WDR7: variants seen among roughly 807,000 people sequenced by gnomAD.
WDR7 encodes WD repeat domain 7, also known as WD repeat-containing protein 7.
WDR7 carries 46 observed loss-of-function variants against 169.4 expected under a neutral mutation model. That is an observed-to-expected ratio of 0.27 (90% CI 0.21 to 0.35). The LOEUF (loss-of-function observed/expected upper bound fraction) is 0.35. WDR7 is among the 10% of genes least tolerant of loss of function. The pLI is 1.00. For missense variants in WDR7, 1,534 were observed against 1,859.3 expected, an observed-to-expected ratio of 0.83 and a Z score of 3.22; for synonymous variants, 612 against 666.8, an observed-to-expected ratio of 0.92 and a Z score of 1.27.
At chr18:56,909,266 T>C (rs2046522104) in intron 21 of WDR7, among the ~76,000 whole-genome samples, 1 of 152,056 alleles carries the variant, frequency 6.6e-6, no homozygotes, top group Non-Finnish European at 1.5e-5. Context: ...GCATTTGGCT[T>C]CTGGGTGGAA....
intron 25 of WDR7, among the ~76,000 whole-genome samples, chr18:56,941,976 A>T (rs964409022): frequency 6.6e-6 from 1 of 152,142 alleles, no homozygotes; most frequent in African/African-American, 2.4e-5. Context: ...GAACTAGAAT[A>T]AGTGGGTAAA....
intron 20 of WDR7, among the ~76,000 whole-genome samples, chr18:56,840,744 G>C (rs192130263): frequency 2.7e-3 from 409 of 151,976 alleles, no homozygotes; most frequent in African/African-American, 9.3e-3. Flanking sequence ...ATCTGAACCC[G>C]AGAGGTTGAG....
At chr18:56,991,308 G>A (rs372785083) in intron 26 of WDR7, among the ~76,000 whole-genome samples, 64 of 152,138 alleles carry the variant, frequency 4.2e-4, no homozygotes, top group Admixed American at 3.4e-3. Flanking sequence ...CACCACTCCC[G>A]GCTGATTTTT....
chr18:56,790,745 T>G (rs906186910), intron 19 of WDR7, among the ~76,000 whole-genome samples: 1 of 152,178 alleles, frequency 6.6e-6, no homozygotes, highest in Non-Finnish European at 1.5e-5. Context: ...TAACCAGATT[T>G]TGATACAAAT....
Position 56,851,830 on chromosome 18 carries a change from TC to T in WDR7, c.3305-28109del, listed in dbSNP as rs1431413901. 2.0e-5 allele frequency among the ~76,000 whole-genome samples: 3 copies of T among 152,200 alleles called. No homozygotes were observed. In the East Asian group the frequency reaches 5.8e-4, roughly 29 times the overall value. On this transcript the variant is annotated intron_variant, in intron 20 of 27. Coordinates refer to ENST00000254442, the MANE Select transcript of WDR7 (RefSeq NM_015285.3). ...CATATTTTGAATTATATAGGTGCCTTCCCCCACCTTCTTGCTCATTGTTAGC... is the reference window on the plus strand; with the variant it reads ...CATATTTTGAATTATATAGGTGCCTTCCCCACCTTCTTGCTCATTGTTAGC...
chr18:57,007,193 A>G (rs918779861), intron 26 of WDR7, among the ~76,000 whole-genome samples: 6 of 152,032 alleles, frequency 3.9e-5, no homozygotes, highest in African/African-American at 1.4e-4. Flanking sequence ...GTTAGCCACG[A>G]TAGTCTCGAT....
intron 21 of WDR7, among the ~76,000 whole-genome samples, chr18:56,904,258 C>G (rs1300447057): frequency 6.6e-6 from 1 of 151,866 alleles, no homozygotes; most frequent in South Asian, 2.1e-4. Context: ...TTAATAGAGA[C>G]GAGGTTTCAC....
Position 57,027,827 on chromosome 18 carries a change from A to G in WDR7, c.*620A>G, listed in dbSNP as rs1308479289. The G allele has an allele frequency of 1.3e-5, 2 of 152,736 alleles. No homozygotes were observed. The highest frequency in any genetic ancestry group is 4.8e-5 in the African/African-American group (2 of 41,434). 9.5% of individuals were successfully genotyped at this position (152,736 alleles called of 1,614,324 possible). On this transcript the variant is annotated 3_prime_UTR_variant, in exon 28 of 28. Coordinates refer to ENST00000254442, the MANE Select transcript of WDR7 (RefSeq NM_015285.3). Reference sequence around the variant, plus strand: ...CTAACCAATTTGAGATTCATGATTAATTATGTACACAAAAATATTTTCCTT... The same window carrying G: ...CTAACCAATTTGAGATTCATGATTAGTTATGTACACAAAAATATTTTCCTT...
intron 21 of WDR7, among the ~76,000 whole-genome samples, chr18:56,903,068 G>T (rs552161705): frequency 2.0e-5 from 3 of 152,252 alleles, no homozygotes; most frequent in South Asian, 4.1e-4. Flanking sequence ...GTGATTGCCC[G>T]TTGGCAGCAT....
intron 26 of WDR7, among the ~76,000 whole-genome samples, chr18:56,988,633 GTGTA>G: frequency 7.5e-6 from 1 of 133,076 alleles, no homozygotes; most frequent in African/African-American, 2.7e-5. Flanking sequence ...GTGTGTGTGT[GTGTA>G]TAGAGTCGTC....
intron 19 of WDR7, among the ~76,000 whole-genome samples, chr18:56,805,782 A>C (rs760953214): frequency 1.3e-5 from 2 of 152,116 alleles, no homozygotes; most frequent in Non-Finnish European, 2.9e-5. Flanking sequence ...TCCATACTGG[A>C]ACCAGGCATC....
chr18:57,007,649 C>T (rs893888869), intron 26 of WDR7, among the ~76,000 whole-genome samples: 1 of 151,988 alleles, frequency 6.6e-6, no homozygotes, highest in Non-Finnish European at 1.5e-5. Flanking sequence ...TCACAAAATC[C>T]TCTTTTAAAG....
At chr18:56,907,463 T>C (rs1164106090) in intron 21 of WDR7, among the ~76,000 whole-genome samples, 1 of 152,172 alleles carries the variant, frequency 6.6e-6, no homozygotes, top group Non-Finnish European at 1.5e-5. Flanking sequence ...CTTGGCTCTT[T>C]AGTGTGGAGT....
chr18:56,931,188 C>T (rs1322951640), intron 22 of WDR7, among the ~76,000 whole-genome samples: 1 of 152,012 alleles, frequency 6.6e-6, no homozygotes, highest in Non-Finnish European at 1.5e-5. Flanking sequence ...ACGGGTGATC[C>T]GCATAACAGC....
chr18:56,953,645 A>C lies in WDR7; in HGVS notation c.4065-8785A>C, dbSNP rs189554777. ...GAGATCAATCAGTGAGCTGTCACAAACACTATGAGAAAAGAGTGTCCAGGA... is the reference window on the plus strand; with the variant it reads ...GAGATCAATCAGTGAGCTGTCACAACCACTATGAGAAAAGAGTGTCCAGGA... On this transcript the variant is annotated intron_variant, in intron 25 of 27. Transcript: ENST00000254442. 7.6e-4 allele frequency among the ~76,000 whole-genome samples: 116 copies of C among 152,388 alleles called. 3 individuals carry two copies. Among genetic ancestry groups the C allele is most frequent in the Admixed American group, 7.5e-3 (115 of 15,312 alleles).
rs140153436 is a variant in WDR7, at chr18:56,824,416, T to C, written c.3304+8272T>C. On this transcript the variant is annotated intron_variant, in intron 20 of 27. Transcript: ENST00000254442. ...TCATGTGGGCATGTGACTTTTACCT[T>C]CTTGTATGCCTAGCACTAGAATAGC... Among the ~76,000 whole-genome samples, 1,085 of 152,336 alleles carry C rather than the reference T, an allele frequency of 7.1e-3. 15 individuals are homozygous for C. Among genetic ancestry groups the C allele is most frequent in the Middle Eastern group, 0.024 (7 of 294 alleles).
At chr18:56,853,303 G>GTGTT (rs150873951) in intron 20 of WDR7, among the ~76,000 whole-genome samples, 2,330 of 152,150 alleles carry the variant, frequency 0.015, 63 homozygotes, top group African/African-American at 0.053. Flanking sequence ...TTGTGTCCTA[G>GTGTT]TGTTTTATTC....
intron 20 of WDR7, among the ~76,000 whole-genome samples, chr18:56,863,692 C>G (rs1019193574): frequency 6.6e-6 from 1 of 151,686 alleles, no homozygotes; most frequent in Non-Finnish European, 1.5e-5. Flanking sequence ...TGGATATTAA[C>G]CTTTTCTCTT....
chr18:56,853,946 GTTAT>G (rs2045678954), intron 20 of WDR7, among the ~76,000 whole-genome samples: 2 of 152,082 alleles, frequency 1.3e-5, no homozygotes, highest in African/African-American at 4.8e-5. Context: ...AAACACTTGG[GTTAT>G]TAGTATTTTT....
Sources: gnomAD v4.1 joint callset for allele counts (sites outside exome capture counted in the v4.1 genomes callset) on GRCh38, gnomAD v4.1.1 for gene constraint, MANE v1.5 for transcripts, NCBI Gene and HGNC (gene_info 2026-07-23, HGNC 2026-07-21) for gene names.